Variants in OSBPL1A observed in about 807,000 individuals in gnomAD.
The protein encoded by OSBPL1A is oxysterol binding protein like 1A.
OSBPL1A carries 80 observed loss-of-function variants against 137.1 expected under a neutral mutation model. The ratio of observed to expected loss-of-function variants is 0.58; its 90% CI spans 0.49 to 0.70. The LOEUF (loss-of-function observed/expected upper bound fraction) is 0.70. Among genes scored for constraint, OSBPL1A ranks in the 30% least tolerant of loss-of-function variants. OSBPL1A has a pLI of 0.00. For missense variants in OSBPL1A, 970 were observed against 1,129.4 expected (o/e 0.86, Z 2.02); for synonymous variants, 365 against 389.7 (o/e 0.94, Z 0.75).
At chr18:24,253,744 G>A (rs751459267) in intron 15 of OSBPL1A, among the ~76,000 whole-genome samples, 6 of 152,140 alleles carry the variant, frequency 3.9e-5, no homozygotes, top group Non-Finnish European at 4.4e-5. Flanking sequence ...CAGATTACTG[G>A]TCTCCTTGGT....
At chr18:24,207,401 G>T (rs112105595) in intron 17 of OSBPL1A, among the ~76,000 whole-genome samples, 19 of 152,274 alleles carry the variant, frequency 1.2e-4, no homozygotes, top group African/African-American at 4.3e-4. Flanking sequence ...TCACTTAAAA[G>T]AATATTTTCA....
At chr18:24,348,972 A>G (rs755468849) in intron 4 of OSBPL1A, among the ~76,000 whole-genome samples, 1 of 151,810 alleles carries the variant, frequency 6.6e-6, no homozygotes, top group Non-Finnish European at 1.5e-5. Context: ...TTCGAGACCA[A>G]CCTAGGCAAC....
Position 24,196,644 on chromosome 18 carries a change from A to G in OSBPL1A, c.1602-444T>C, listed in dbSNP as rs144980896. Among the ~76,000 whole-genome samples the G allele has an allele frequency of 3.9e-5, 6 of 152,374 alleles. No individual in the cohort carries two copies. In the East Asian group the frequency reaches 1.2e-3, roughly 29 times the overall value. On this transcript the variant is annotated intron_variant, in intron 17 of 27. Transcript: ENST00000319481. Reference sequence around the variant, plus strand: ...CAAAGCTTAGATACAGGTTTTTAAGAAATGAAATGGAAAATAGAAAACTTT... The same window carrying G: ...CAAAGCTTAGATACAGGTTTTTAAGGAATGAAATGGAAAATAGAAAACTTT...
At chr18:24,348,316 A>T (rs1316276749) in intron 4 of OSBPL1A, among the ~76,000 whole-genome samples, 1 of 152,248 alleles carries the variant, frequency 6.6e-6, no homozygotes, top group African/African-American at 2.4e-5. Context: ...TCAATATTTA[A>T]TTAACATTTA....
chr18:24,199,906 T>G (rs1207713515), intron 17 of OSBPL1A, among the ~76,000 whole-genome samples: 1 of 152,074 alleles, frequency 6.6e-6, no homozygotes, highest in East Asian at 1.9e-4. Context: ...CAACAAAGAA[T>G]TACCCACCTA....
At chr18:24,331,850 C>T (rs1177288000) in intron 7 of OSBPL1A, among the ~76,000 whole-genome samples, 2 of 152,130 alleles carry the variant, frequency 1.3e-5, no homozygotes, top group African/African-American at 4.8e-5. Context: ...CACTTGTAAT[C>T]CCAAGGTCAA....
At chr18:24,392,100 T>A (rs138620989) in intron 1 of OSBPL1A, among the ~76,000 whole-genome samples, 1 of 151,898 alleles carries the variant, frequency 6.6e-6, no homozygotes, top group East Asian at 1.9e-4. Flanking sequence ...AAGCGATCTG[T>A]CCACCTCAGC....
chr18:24,316,591 G>T (rs892877395), intron 11 of OSBPL1A, among the ~76,000 whole-genome samples: 3 of 151,990 alleles, frequency 2.0e-5, no homozygotes, highest in Admixed American at 6.6e-5. Flanking sequence ...ACAATAAAAG[G>T]ATCAATTAAT....
At position 24,273,727 on chromosome 18, in the gene OSBPL1A, A is replaced by G. The variant is rs572091862; in HGVS notation, c.1281+7115T>C. On this transcript the variant is annotated intron_variant, in intron 15 of 27. Coordinates refer to ENST00000319481, the MANE Select transcript of OSBPL1A (RefSeq NM_080597.4). ...GGAAGCTCCAGTTTGTGAATATATA[A>G]TGATACAATATGATAAATGCTATGA... Among the ~76,000 whole-genome samples, 7 of 152,324 alleles carry G rather than the reference A, an allele frequency of 4.6e-5. No individual in the cohort carries two copies. In the South Asian group the frequency reaches 1.4e-3, roughly 32 times the overall value.
intron 15 of OSBPL1A, among the ~76,000 whole-genome samples, chr18:24,276,384 C>G (rs942958852): frequency 1.3e-5 from 2 of 152,114 alleles, no homozygotes; most frequent in Admixed American, 1.3e-4. Flanking sequence ...GATCAACCAC[C>G]AACTTTACAA....
At chr18:24,305,220 T>C (rs2090477732) in intron 13 of OSBPL1A, among the ~76,000 whole-genome samples, 1 of 152,164 alleles carries the variant, frequency 6.6e-6, no homozygotes, top group Non-Finnish European at 1.5e-5. Flanking sequence ...AACAGGATAG[T>C]TTTCCTAAGT....
intron 2 of OSBPL1A, among the ~76,000 whole-genome samples, chr18:24,375,792 C>CA (rs1447395373): frequency 6.6e-6 from 1 of 152,188 alleles, no homozygotes; most frequent in Non-Finnish European, 1.5e-5. Context: ...AGTAAACACT[C>CA]AGACCTGCTG....
intron 14 of OSBPL1A, among the ~76,000 whole-genome samples, chr18:24,300,695 T>G (rs2090383187): frequency 1.3e-5 from 2 of 152,352 alleles, no homozygotes; most frequent in South Asian, 4.1e-4. Context: ...TACTAAAATG[T>G]AAGTCAACTA....
intron 7 of OSBPL1A, among the ~76,000 whole-genome samples, chr18:24,329,048 C>A (rs1176465426): frequency 6.6e-6 from 1 of 152,106 alleles, no homozygotes; most frequent in East Asian, 1.9e-4. Context: ...GATCTCTAAC[C>A]AATTTTCTTT....
intron 1 of OSBPL1A, among the ~76,000 whole-genome samples, chr18:24,396,143 C>T (rs1307935686): frequency 5.3e-5 from 8 of 150,988 alleles, no homozygotes; most frequent in African/African-American, 1.5e-4. Context: ...TGCTTCAACC[C>T]GGGAGGCAGA....
chr18:24,364,614 A>G (rs551441340), intron 4 of OSBPL1A, among the ~76,000 whole-genome samples: 3 of 151,424 alleles, frequency 2.0e-5, no homozygotes, highest in East Asian at 3.9e-4. Flanking sequence ...ATTTTTTTTT[A>G]ATTTTTTTTT....
intron 13 of OSBPL1A, 83 bp downstream of exon 13, chr18:24,311,901 C>A: frequency 6.8e-7 from 1 of 1,478,882 alleles, no homozygotes; most frequent in South Asian, 1.2e-5. Context: ...AATTTCAAAA[C>A]CTTACATCTT....
At chr18:24,181,319 C>G (rs752250785) in intron 18 of OSBPL1A, 40 bp from the exon 19 acceptor site, 3 of 1,596,322 alleles carry the variant, frequency 1.9e-6, no homozygotes, top group Non-Finnish European at 2.6e-6. Flanking sequence ...GTCCCATATA[C>G]ATAACAAACA....
chr18:24,210,639 ATCC>A (rs1372527552), intron 17 of OSBPL1A, among the ~76,000 whole-genome samples: 1 of 151,512 alleles, frequency 6.6e-6, no homozygotes, highest in Non-Finnish European at 1.5e-5. Context: ...GGCTCAGGCA[ATCC>A]TCCTGCTTCA....
Sources: gnomAD v4.1 joint callset for allele counts (sites outside exome capture counted in the v4.1 genomes callset) on GRCh38, gnomAD v4.1.1 for gene constraint, MANE v1.5 for transcripts, NCBI Gene and HGNC (gene_info 2026-07-23, HGNC 2026-07-21) for gene names.